NEK7: variants seen among roughly 807,000 people sequenced by gnomAD.
NEK7 encodes serine/threonine-protein kinase Nek7.
A neutral mutation model predicts 44.6 loss-of-function variants in NEK7; 18 were observed. The observed-to-expected ratio is 0.40, with a 90% CI of 0.28 to 0.60. The LOEUF is 0.60. Ranked by LOEUF, NEK7 falls within the 20% of genes least tolerant of loss-of-function variation. NEK7 has a pLI of 0.38. For synonymous variants in NEK7, 130 were observed against 121.1 expected, an observed-to-expected ratio of 1.07 and a Z score of -0.48; for missense variants, 256 against 366.5, an observed-to-expected ratio of 0.70 and a Z score of 2.46.
chr1:198,271,853 CTACCCAGGATTGAATAT>C (rs1653854295), intron 5 of NEK7, among the ~76,000 whole-genome samples: 1 of 149,146 alleles, frequency 6.7e-6, no homozygotes, highest in Non-Finnish European at 1.5e-5. Flanking sequence ...TCTGAAAAAA[CTACCCAGGATTGAATAT>C]TATTTTATAT....
At chr1:198,264,365 G>A in intron 5 of NEK7, 130 bp downstream of exon 5, 1 of 599,380 alleles carries the variant, frequency 1.7e-6, no homozygotes, top group Non-Finnish European at 2.9e-6. Flanking sequence ...TGATAGATAT[G>A]TAACAAATAG....
In NEK7 at chr1:198,320,293, T is replaced by C. The variant is rs1655497855; in HGVS notation, c.*771T>C. 2 of 152,164 alleles carry C rather than the reference T, an allele frequency of 1.3e-5. No homozygotes were observed. The highest frequency in any genetic ancestry group is 4.8e-5 in the African/African-American group (2 of 41,466). 9.4% of individuals were successfully genotyped at this position (152,164 alleles called of 1,614,324 possible). ...AAGTTGCACATTGCCCAAGGCTTTT[T>C]TTGTGTGTTTTTATTGTTGTTTGTA... On this transcript the variant is annotated 3_prime_UTR_variant, in exon 10 of 10. Transcript: ENST00000367385.
intron 5 of NEK7, 186 bp from the exon 6 acceptor site, chr1:198,277,775 G>GA: frequency 1.9e-6 from 1 of 528,892 alleles, no homozygotes; most frequent in South Asian, 2.6e-5. Flanking sequence ...GTTATAATAG[G>GA]AAAAAAACTT....
chr1:198,231,287 G>A (rs914850872), intron 1 of NEK7, among the ~76,000 whole-genome samples: 7 of 77,392 alleles, frequency 9.0e-5, no homozygotes, highest in African/African-American at 3.0e-4. Context: ...GTGTATATAC[G>A]TGTATGTGTG....
intron 1 of NEK7, among the ~76,000 whole-genome samples, chr1:198,173,040 A>G (rs1664498032): frequency 6.6e-6 from 1 of 152,180 alleles, no homozygotes; most frequent in African/African-American, 2.4e-5. Context: ...CCTGGAGTAG[A>G]GCTCTGGTGT....
In NEK7 at chr1:198,278,950, A is replaced by G. The variant is rs764664422; in HGVS notation, c.482-4A>G. The G allele has an allele frequency of 1.3e-6, 2 of 1,535,790 alleles. No individual in the cohort carries two copies. Among genetic ancestry groups the G allele is most frequent in the Admixed American group, 3.4e-5 (2 of 58,032 alleles). ...TTTTACCTGATCCCTTCATTTATTC[A>G]CAGATATAAAACCAGCTAATGTGTT... On this transcript the variant is annotated splice_region_variant and splice_polypyrimidine_tract_variant and intron_variant, in intron 6 of 9. Coordinates refer to ENST00000367385, the MANE Select transcript of NEK7 (RefSeq NM_133494.3).
chr1:198,293,548 ACT>A (rs57145260), intron 8 of NEK7, among the ~76,000 whole-genome samples: 20,853 of 151,696 alleles, frequency 0.14, 2,094 homozygotes, highest in East Asian at 0.57. Flanking sequence ...TCAGTGAAAT[ACT>A]CTCTCTTTTG....
intron 1 of NEK7, among the ~76,000 whole-genome samples, chr1:198,171,195 T>A (rs1470666080): frequency 6.6e-6 from 1 of 152,232 alleles, no homozygotes; most frequent in African/African-American, 2.4e-5. Flanking sequence ...TGTCTTTTTT[T>A]AAATAAATAG....
At chr1:198,186,349 TA>T (rs1664925468) in intron 1 of NEK7, among the ~76,000 whole-genome samples, 1 of 152,236 alleles carries the variant, frequency 6.6e-6, no homozygotes, top group South Asian at 2.1e-4. Flanking sequence ...GAATTTCCTT[TA>T]AAAGTTTCAA....
chr1:198,301,956 A>G (rs1485258631), intron 9 of NEK7, among the ~76,000 whole-genome samples: 2 of 152,238 alleles, frequency 1.3e-5, no homozygotes, highest in Non-Finnish European at 2.9e-5. Context: ...TATTCTGATT[A>G]TATTTTCAAA....
At position 198,232,585 on chromosome 1, in the gene NEK7, A is replaced by G; in HGVS notation, c.5A>G (p.Asp2Gly). The change falls in exon 2 of 10, where the codon GAT (aspartate) becomes GGT (glycine). Residue 2 changes from aspartate to glycine, a missense_variant. Transcript: ENST00000367385. The stretch of plus-strand genomic sequence containing the variant: ...AAGTTCCTGTTGCTTCAGACAATGG[A>G]TGAGCAATCACAAGGAATGCAAGGG... M[D>G]EQSQGMQGPP... 2 of 1,601,598 alleles carry G rather than the reference A, an allele frequency of 1.2e-6. No homozygotes were observed. The highest frequency in any genetic ancestry group is 1.7e-6 in the Non-Finnish European group (2 of 1,168,908).
At chr1:198,256,690 A>T (rs546196217) in intron 3 of NEK7, among the ~76,000 whole-genome samples, 6 of 152,142 alleles carry the variant, frequency 3.9e-5, no homozygotes, top group African/African-American at 1.4e-4. Context: ...GACTCATGGG[A>T]TTCTAGTGGG....
chr1:198,242,453 C>T (rs987670650), intron 2 of NEK7, among the ~76,000 whole-genome samples: 7 of 147,642 alleles, frequency 4.7e-5, no homozygotes, highest in South Asian at 4.3e-4. Context: ...GCTGAAATGC[C>T]GTGGCGTGAT....
intron 2 of NEK7, among the ~76,000 whole-genome samples, chr1:198,244,695 G>T (rs6692188): frequency 0.34 from 51,146 of 151,832 alleles, 9,855 homozygotes; most frequent in East Asian, 0.8. Flanking sequence ...ACTTAGAGCT[G>T]GTAGATAATT....
chr1:198,170,395 G>T (rs1380763159), intron 1 of NEK7, among the ~76,000 whole-genome samples: 1 of 152,144 alleles, frequency 6.6e-6, no homozygotes, highest in Admixed American at 6.5e-5. Context: ...GTTAAGATAT[G>T]ATATTAAAAC....
At position 198,161,942 on chromosome 1, in the gene NEK7, A is replaced by G. The variant is rs888768843; in HGVS notation, c.-29+4666A>G. Among the ~76,000 whole-genome samples the G allele has an allele frequency of 1.3e-4, 20 of 152,070 alleles. 1 individual carries two copies. Among genetic ancestry groups the G allele is most frequent in the Admixed American group, 7.9e-4 (12 of 15,272 alleles). On this transcript the variant is annotated intron_variant, in intron 1 of 9. Coordinates refer to ENST00000367385, the MANE Select transcript of NEK7 (RefSeq NM_133494.3). ...GTCTACTTTAGAGGGAATTTTTGAC[A>G]TAAGCAAGGGGTTGGGCAAATTTTT...
intron 1 of NEK7, among the ~76,000 whole-genome samples, chr1:198,226,631 A>G (rs1666235034): frequency 6.6e-6 from 1 of 151,744 alleles, no homozygotes; most frequent in Non-Finnish European, 1.5e-5. Context: ...TGTAATATGT[A>G]TATGTTTTCA....
chr1:198,199,710 G>A (rs9651068), intron 1 of NEK7, among the ~76,000 whole-genome samples: 22,635 of 151,136 alleles, frequency 0.15, 1,866 homozygotes, highest in East Asian at 0.23. Context: ...AATTCTTTTG[G>A]TCTTAAAAGC....
intron 3 of NEK7, among the ~76,000 whole-genome samples, chr1:198,255,433 TTCTG>T (rs1385093507): frequency 3.9e-5 from 6 of 152,074 alleles, no homozygotes; most frequent in Non-Finnish European, 8.8e-5. Context: ...CAGGGCTCAA[TTCTG>T]TCTCTAGTGA....
Sources: allele counts gnomAD v4.1 joint callset (sites outside exome capture counted in the v4.1 genomes callset), GRCh38; gene constraint gnomAD v4.1.1; transcripts MANE v1.5; gene names NCBI Gene and HGNC (gene_info 2026-07-23, HGNC 2026-07-21).